Variants in KCNB2 observed in about 807,000 individuals in gnomAD.
KCNB2 encodes the protein potassium voltage-gated channel subfamily B member 2.
Under a neutral mutation model 61.5 loss-of-function variants are expected in KCNB2, and 15 were observed. The ratio of observed to expected loss-of-function variants is 0.24; its 90% CI spans 0.16 to 0.38. The LOEUF is 0.38. KCNB2 is among the 10% of genes least tolerant of loss of function. The pLI is 1.00. For missense variants in KCNB2, 828 were observed against 1,125.2 expected, an observed-to-expected ratio of 0.74 and a Z score of 3.78; for synonymous variants, 457 against 446.0, an observed-to-expected ratio of 1.02 and a Z score of -0.31.
intron 2 of KCNB2, among the ~76,000 whole-genome samples, chr8:72,786,534 G>C (rs1432069900): frequency 6.6e-6 from 1 of 152,204 alleles, no homozygotes; most frequent in African/African-American, 2.4e-5. Context: ...ATTTTCCATG[G>C]GATATTTTCT....
At chr8:72,734,153 G>A (rs1297469567) in intron 2 of KCNB2, among the ~76,000 whole-genome samples, 1 of 152,138 alleles carries the variant, frequency 6.6e-6, no homozygotes, top group Admixed American at 6.6e-5. Flanking sequence ...CTGTAGCATA[G>A]ATTCAGTGTA....
At chr8:72,568,374 A>G in intron 2 of KCNB2, 61 bp downstream of exon 2, 1 of 1,377,008 alleles carries the variant, frequency 7.3e-7, no homozygotes. Flanking sequence ...CCTACGTTCT[A>G]GAGAGTATAA....
At position 72,604,116 on chromosome 8, in the gene KCNB2, A is replaced by G. The variant is rs114583942; in HGVS notation, c.579+35803A>G. On this transcript the variant is annotated intron_variant, in intron 2 of 2. Transcript: ENST00000523207. Reference sequence around the variant, plus strand: ...CCTAAGAAATTAATAAATGAGCTGTATGACTTGGAACAAGTTATTCATCCT... The same window carrying G: ...CCTAAGAAATTAATAAATGAGCTGTGTGACTTGGAACAAGTTATTCATCCT... 3.3e-5 allele frequency among the ~76,000 whole-genome samples: 5 copies of G among 152,270 alleles called. No individual in the cohort carries two copies. The Middle Eastern group carries it at 0.01, about 311-fold the overall frequency.
At chr8:72,908,038 A>G (rs958536977) in intron 2 of KCNB2, among the ~76,000 whole-genome samples, 1 of 152,124 alleles carries the variant, frequency 6.6e-6, no homozygotes, top group Non-Finnish European at 1.5e-5. Context: ...ATCATATTGT[A>G]TGCATAGTTT....
chr8:72,678,167 T>C (rs1806692733), intron 2 of KCNB2, among the ~76,000 whole-genome samples: 1 of 152,212 alleles, frequency 6.6e-6, no homozygotes. Context: ...CATATAACAT[T>C]TAAGCACTTT....
chr8:72,704,752 A>C (rs951475488), intron 2 of KCNB2, among the ~76,000 whole-genome samples: 5 of 152,150 alleles, frequency 3.3e-5, no homozygotes, highest in African/African-American at 1.2e-4. Flanking sequence ...TTCAGTATGC[A>C]CAGTACTTGA....
At chr8:72,851,852 G>GAAAAAAAAAAAAAAAA in intron 2 of KCNB2, among the ~76,000 whole-genome samples, 1 of 29,018 alleles carries the variant, frequency 3.4e-5, no homozygotes, top group Non-Finnish European at 7.9e-5. Flanking sequence ...AAAAAAACAC[G>GAAAAAAAAAAAAAAAA]TACTGCTGAG....
chr8:72,703,281 T>C (rs963687423), intron 2 of KCNB2, among the ~76,000 whole-genome samples: 1 of 152,168 alleles, frequency 6.6e-6, no homozygotes, highest in Non-Finnish European at 1.5e-5. Context: ...GTTCAGCTTC[T>C]GGGAAGCCTC....
intron 2 of KCNB2, among the ~76,000 whole-genome samples, chr8:72,851,125 T>C (rs1354900822): frequency 6.6e-6 from 1 of 152,308 alleles, no homozygotes; most frequent in Non-Finnish European, 1.5e-5. Flanking sequence ...TCTATAAAGA[T>C]TATGATCAAA....
Position 72,618,153 on chromosome 8 carries a change from C to T in KCNB2, c.579+49840C>T, listed in dbSNP as rs569294262. On this transcript the variant is annotated intron_variant, in intron 2 of 2. Coordinates refer to ENST00000523207, the MANE Select transcript of KCNB2 (RefSeq NM_004770.3). Reference sequence around the variant, plus strand: ...AGATGGCAATGTAGACTGACATTAGCTCATAATCCTTGCAAGATGCACATG... The same window carrying T: ...AGATGGCAATGTAGACTGACATTAGTTCATAATCCTTGCAAGATGCACATG... 8.6e-4 allele frequency among the ~76,000 whole-genome samples: 130 copies of T among 151,884 alleles called. 1 individual carries two copies. The highest frequency in any genetic ancestry group is 1.9e-3 in the Admixed American group (29 of 15,254).
chr8:72,735,522 A>C (rs1426093439), intron 2 of KCNB2, among the ~76,000 whole-genome samples: 1 of 152,186 alleles, frequency 6.6e-6, no homozygotes, highest in East Asian at 1.9e-4. Flanking sequence ...GTGATTCTCA[A>C]ACTTTACTGT....
At chr8:72,840,625 T>C (rs918498435) in intron 2 of KCNB2, among the ~76,000 whole-genome samples, 3 of 152,230 alleles carry the variant, frequency 2.0e-5, no homozygotes, top group African/African-American at 7.2e-5. Context: ...TGGTATCTCA[T>C]TGTGGTTTTG....
At chr8:72,919,898 A>G (rs906779856) in intron 2 of KCNB2, among the ~76,000 whole-genome samples, 2 of 152,172 alleles carry the variant, frequency 1.3e-5, no homozygotes, top group African/African-American at 4.8e-5. Flanking sequence ...TATTTGTTGA[A>G]TATATGCAGT....
Position 72,685,672 on chromosome 8 carries a change from T to C in KCNB2, c.579+117359T>C, listed in dbSNP as rs147878268. ...CAGAGCGGTTGAGTCACGGTCTGAA[T>C]GGGAAGGCAAAGGAATGCCAGTATA... On this transcript the variant is annotated intron_variant, in intron 2 of 2. Transcript: ENST00000523207. Among the ~76,000 whole-genome samples the C allele has an allele frequency of 2.1e-3, 317 of 152,044 alleles. 3 individuals are homozygous for C. The highest frequency in any genetic ancestry group is 7.2e-3 in the African/African-American group (298 of 41,488).
intron 2 of KCNB2, among the ~76,000 whole-genome samples, chr8:72,784,911 C>T (rs926133545): frequency 1.8e-4 from 28 of 152,036 alleles, no homozygotes; most frequent in African/African-American, 6.3e-4. Flanking sequence ...GAGAAAGGAA[C>T]CTTAAACTTC....
intron 2 of KCNB2, among the ~76,000 whole-genome samples, chr8:72,644,249 C>G (rs915877886): frequency 5.3e-5 from 8 of 151,814 alleles, no homozygotes; most frequent in African/African-American, 1.9e-4. Flanking sequence ...AAAAGTTCAC[C>G]CCCCCCTTCT....
intron 2 of KCNB2, among the ~76,000 whole-genome samples, chr8:72,611,133 T>A (rs1041995328): frequency 1.3e-5 from 2 of 152,202 alleles, no homozygotes; most frequent in Middle Eastern, 3.2e-3. Context: ...ATCTATGTGC[T>A]ATCCATTTTG....
intron 2 of KCNB2, among the ~76,000 whole-genome samples, chr8:72,658,881 C>A (rs745624533): frequency 1.3e-5 from 2 of 152,144 alleles, no homozygotes; most frequent in Admixed American, 6.5e-5. Flanking sequence ...TGTTGAGGCT[C>A]ACTGCTCAGA....
Position 72,716,353 on chromosome 8 carries a change from C to T in KCNB2, c.579+148040C>T, listed in dbSNP as rs932894077. Among the ~76,000 whole-genome samples, 8 of 152,070 alleles carry T rather than the reference C, an allele frequency of 5.3e-5. 1 individual carries two copies. The highest frequency in any genetic ancestry group is 3.3e-4 in the Admixed American group (5 of 15,274). ...CTGATACCAAAGCCTGGCAGAGACA[C>T]GACAAAAAAAGAGAATTTTAGACCA... On this transcript the variant is annotated intron_variant, in intron 2 of 2. Coordinates refer to ENST00000523207, the MANE Select transcript of KCNB2 (RefSeq NM_004770.3).
Sources: gnomAD v4.1 joint callset for allele counts (sites outside exome capture counted in the v4.1 genomes callset) on GRCh38, gnomAD v4.1.1 for gene constraint, MANE v1.5 for transcripts, NCBI Gene and HGNC (gene_info 2026-07-23, HGNC 2026-07-21) for gene names.